The following ZNF135 variants were observed in gnomAD, a reference collection of about 807,000 sequenced individuals.
ZNF135 encodes the protein zinc finger protein 135 (clone pHZ-17).
In ZNF135, 11 loss-of-function variants were observed where a neutral mutation model predicts 12.3. The observed-to-expected ratio is 0.89, with a 90% CI of 0.56 to 1.48. The LOEUF is 1.48. ZNF135 is among the 40% of genes most tolerant of loss of function. The pLI is 0.00. For synonymous variants in ZNF135, 316 were observed against 312.0 expected, an observed-to-expected ratio of 1.01 and a Z score of -0.14; for missense variants, 722 against 815.7, an observed-to-expected ratio of 0.89 and a Z score of 1.40.
Position 58,059,926 on chromosome 19 carries a change from C to G in ZNF135, c.-34-43C>G. ...GTTCCCCGGCTTGGGGACCTGAGCA[C>G]CGCCTCTGCCTGCCCCAGCTGCTCA... is the stretch of plus-strand genomic sequence containing the variant. On this transcript the variant is annotated intron_variant, in intron 1 of 4. Coordinates refer to ENST00000313434, the MANE Select transcript of ZNF135 (RefSeq NM_001289401.2). The surrounding 1 kb of genome is among the most constrained non-coding windows in gnomAD (Gnocchi z 6.5). The G allele has an allele frequency of 1.9e-6, 3 of 1,605,330 alleles. No homozygotes were observed. Among genetic ancestry groups the G allele is most frequent in the Non-Finnish European group, 2.6e-6 (3 of 1,176,346 alleles).
In ZNF135 at chr19:58,067,113, AAG is replaced by A. The variant is rs2074082093; in HGVS notation, c.633_634del (p.Lys212ThrfsTer12). ...AATGTTTTACAGAAAACCTGTGTAA[AAG>A]AGAAACCCTACAAATGTCAGGAATG... is the stretch of plus-strand genomic sequence containing the variant. On this transcript the variant is annotated frameshift_variant, in exon 5 of 5. Transcript: ENST00000313434. LOFTEE classifies it low-confidence loss of function (END_TRUNC). 4 of 1,614,232 alleles carry A rather than the reference AAG, an allele frequency of 2.5e-6. No individual in the cohort carries two copies. The highest frequency in any genetic ancestry group is 3.4e-6 in the Non-Finnish European group (4 of 1,180,044).
rs372275276 is a variant in ZNF135 at position 58,063,419 on chromosome 19, T to C, written c.161-27T>C. ...AGGAAGGGTCCTGGGATACAAATGCTCACTCTATGGGTCTCTCCCTGAGCA... is the reference window on the plus strand; with the variant it reads ...AGGAAGGGTCCTGGGATACAAATGCCCACTCTATGGGTCTCTCCCTGAGCA... On this transcript the variant is annotated intron_variant, in intron 3 of 4. Coordinates refer to ENST00000313434, the MANE Select transcript of ZNF135 (RefSeq NM_001289401.2). This position sits in a 1 kb window ranked among gnomAD's most constrained non-coding sequence, Gnocchi z 4.4. The C allele has an allele frequency of 1.9e-6, 3 of 1,613,416 alleles. No individual in the cohort carries two copies. The highest frequency in any genetic ancestry group is 2.7e-5 in the African/African-American group (2 of 74,872).
Position 58,067,843 on chromosome 19 carries a change from C to G in ZNF135, c.1359C>G (p.Leu453=), listed in dbSNP as rs756124851. ...CGKTFSHSSS[L]SQHERTHTGE... ...AAACCTTCAGCCACAGCTCCTCACT[C>G]AGCCAGCATGAGCGGACACACACAG... is the stretch of plus-strand genomic sequence containing the variant. Residue 453 remains leucine, a synonymous_variant, in exon 5 of 5, where the codon CTC becomes CTG. Transcript: ENST00000313434. 6.2e-7 allele frequency: 1 copy of G among 1,613,054 alleles called. No homozygotes were observed. The highest frequency in any genetic ancestry group is 8.5e-7 in the Non-Finnish European group (1 of 1,179,764).
In ZNF135 at chr19:58,068,260, G is replaced by A. The variant is rs367729073; in HGVS notation, c.1776G>A (p.Ser592=). The change falls in exon 5 of 5, where the codon TCG becomes TCA. Residue 592 remains serine, a synonymous_variant. Transcript: ENST00000313434. ...ECGKSFSHSS[S]LSQHERTHTG... ...GGAAATCCTTCAGCCACAGCTCCTC[G>A]CTCAGCCAGCACGAAAGGACGCACA... 1.4e-5 allele frequency: 23 copies of A among 1,613,044 alleles called. No homozygotes were observed. Among genetic ancestry groups the A allele is most frequent in the African/African-American group, 1.1e-4 (8 of 74,534 alleles).
chr19:58,060,549 C>A lies in ZNF135; in HGVS notation c.33+514C>A. 1 of 723,136 alleles carries A rather than the reference C, an allele frequency of 1.4e-6. No individual in the cohort carries two copies. Among genetic ancestry groups the A allele is most frequent in the Non-Finnish European group, 1.7e-6 (1 of 590,270 alleles). The allele number at this position is 723,136 out of a possible 1,614,324, so 44.8% of individuals were successfully genotyped here. On this transcript the variant is annotated intron_variant, in intron 2 of 4. Coordinates refer to ENST00000313434, the MANE Select transcript of ZNF135 (RefSeq NM_001289401.2). This position sits in a 1 kb window ranked among gnomAD's most constrained non-coding sequence, Gnocchi z 4.9. ...TAGCATGCTCTGCGCTCCAAGATGG[C>A]GCATCGAGTGCCGCTTCCTCAGACG...
At chr19:58,064,141 TATCCCAGCCCACTG>T (rs1239622059) in intron 4 of ZNF135, among the ~76,000 whole-genome samples, 1 of 152,084 alleles carries the variant, frequency 6.6e-6, no homozygotes, top group East Asian at 1.9e-4. Context: ...GTAGCAGAGG[TATCCCAGCCCACTG>T]ACAGGCAATT....
intron 2 of ZNF135, 105 bp from the exon 3 acceptor site, chr19:58,061,475 C>G: frequency 4.8e-6 from 7 of 1,451,616 alleles, no homozygotes; most frequent in Non-Finnish European, 6.4e-6. Flanking sequence ...AACCCCAGAC[C>G]AAAGGGAACT....
At position 58,067,248 on chromosome 19, in the gene ZNF135, C is replaced by T. The variant is rs147685047; in HGVS notation, c.764C>T (p.Ser255Leu). 1,776 of 1,614,166 alleles carry T rather than the reference C, an allele frequency of 1.1e-3. 3 individuals are homozygous for T. The highest frequency in any genetic ancestry group is 1.5e-3 in the Non-Finnish European group (1,716 of 1,180,032). The change falls in exon 5 of 5, where the codon TCG becomes TTG. Residue 255 changes from serine (S) to leucine (L), a missense_variant. Ser to Leu is a moderately radical substitution (Grantham distance 145, BLOSUM62 -2). Coordinates refer to ENST00000313434, the MANE Select transcript of ZNF135 (RefSeq NM_001289401.2). ...TGCTTAAAAGGCTTCCGGAACAGCT[C>T]GGCACTTACCAAACACCAGAGAATC... ...HECLKGFRNSSALTKHQRIHT... is the reference protein window; with the variant it reads ...HECLKGFRNSLALTKHQRIHT...
upstream of ZNF135, chr19:58,059,274 C>T (rs1568609823): frequency 6.6e-7 from 1 of 1,521,922 alleles, no homozygotes. This position sits in a 1 kb window ranked among gnomAD's most constrained non-coding sequence, Gnocchi z 6.5. Context: ...GCAGTGTCGG[C>T]TGCCGGTGCC....
rs1453950250 is a variant in ZNF135, at chr19:58,067,756, C to A, written c.1272C>A (p.Leu424=). ...GGAAAGCCTTCAGTCAGAGCACACTCCTGACCGAGCATCGGAGGATTCACA... is the reference window on the plus strand; with the variant it reads ...GGAAAGCCTTCAGTCAGAGCACACTACTGACCGAGCATCGGAGGATTCACA... The part of the protein sequence containing the change: ...ECGKAFSQST[L]LTEHRRIHTG... The change falls in exon 5 of 5, where the codon CTC becomes CTA. Residue 424 remains leucine (L), a synonymous_variant. Coordinates refer to ENST00000313434, the MANE Select transcript of ZNF135 (RefSeq NM_001289401.2). 6.2e-7 allele frequency: 1 copy of A among 1,613,800 alleles called. No individual in the cohort carries two copies. Among genetic ancestry groups the A allele is most frequent in the Non-Finnish European group, 8.5e-7 (1 of 1,179,940 alleles).
intron 2 of ZNF135, 66 bp from the exon 3 acceptor site, chr19:58,061,514 C>T (rs201911782): frequency 3.6e-4 from 565 of 1,559,160 alleles, no homozygotes; most frequent in Non-Finnish European, 4.5e-4. Flanking sequence ...CTGGCATTTA[C>T]CAGCTACCCC....
At chr19:58,061,433 C>T in intron 2 of ZNF135, 147 bp from the exon 3 acceptor site, 1 of 887,822 alleles carries the variant, frequency 1.1e-6, no homozygotes, top group Non-Finnish European at 1.7e-6. Context: ...AGCAGGGCAC[C>T]CATCCAGGCC....
chr19:58,059,375 G>T lies in ZNF135; in HGVS notation c.-35+65G>T. On this transcript the variant is annotated intron_variant, in intron 1 of 4. Transcript: ENST00000313434. This position sits in a 1 kb window ranked among gnomAD's most constrained non-coding sequence, Gnocchi z 6.5. ...CGGGCCGGGCCGGGCCGGGTGCGGGGGGTCCGGGGATCTTCCTGAGGCCCT... is the reference window on the plus strand; with the variant it reads ...CGGGCCGGGCCGGGCCGGGTGCGGGTGGTCCGGGGATCTTCCTGAGGCCCT... The T allele has an allele frequency of 1.1e-6, 1 of 891,600 alleles. No homozygotes were observed. 55.2% of individuals were successfully genotyped at this position (891,600 alleles called of 1,614,324 possible).
In ZNF135 at chr19:58,067,174, C is replaced by G. The variant is rs777098283; in HGVS notation, c.690C>G (p.Ile230Met). The G allele has an allele frequency of 3.7e-6, 6 of 1,613,966 alleles. No homozygotes were observed. The African/African-American group carries it at 6.7e-5, about 18-fold the overall frequency. ...GKAFSHSSAL[I>M]EHHRTHTGER... is the part of the protein sequence containing the mutation. ...CCTTTAGTCACAGCTCAGCACTTAT[C>G]GAACACCACCGGACGCACACAGGAG... The change falls in exon 5 of 5, where the codon ATC (isoleucine) becomes ATG (methionine). Residue 230 changes from isoleucine to methionine, a missense_variant. Transcript: ENST00000313434.
Position 58,067,999 on chromosome 19 carries a change from C to T in ZNF135, c.1515C>T (p.His505=), listed in dbSNP as rs1432025858. Residue 505 remains histidine, a synonymous_variant, in exon 5 of 5, where the codon CAC becomes CAT. Transcript: ENST00000313434. ...ECNDCGKAFS[H]SSSLTKHQRI... is the part of the protein sequence containing the mutation. ...ATGACTGCGGCAAGGCATTCAGTCA[C>T]AGCTCGTCCCTCACCAAACATCAGC... 3 of 1,613,760 alleles carry T rather than the reference C, an allele frequency of 1.9e-6. No homozygotes were observed. The highest frequency in any genetic ancestry group is 1.7e-6 in the Non-Finnish European group (2 of 1,179,954).
rs745689661 is a variant in ZNF135, at chr19:58,059,309, G to A, written c.-36G>A. On this transcript the variant is annotated splice_region_variant and 5_prime_UTR_variant, in exon 1 of 5. Transcript: ENST00000313434. The surrounding 1 kb of genome is among the most constrained non-coding windows in gnomAD (Gnocchi z 6.5). ...CGCGGCCTTTGTCTCGCAGTCAGGA[G>A]GGTGAGCTAGGCCGGCGAGGAGGGG... 2.6e-6 allele frequency: 4 copies of A among 1,555,216 alleles called. No individual in the cohort carries two copies. The South Asian group carries it at 4.5e-5, about 18-fold the overall frequency.
In ZNF135 at chr19:58,068,364, T is replaced by G; in HGVS notation, c.1880T>G (p.Ile627Ser). 6.2e-7 allele frequency: 1 copy of G among 1,613,774 alleles called. No homozygotes were observed. The highest frequency in any genetic ancestry group is 8.5e-7 in the Non-Finnish European group (1 of 1,179,922). The change falls in exon 5 of 5, where the codon ATC becomes AGC. Residue 627 changes from isoleucine to serine, a missense_variant. Coordinates refer to ENST00000313434, the MANE Select transcript of ZNF135 (RefSeq NM_001289401.2). ...QSTHLTQHRR[I>S]HTGEKPYACR... ...ACCCACCTCACTCAGCACCGGAGGATCCACACAGGAGAGAAGCCATATGCA... is the reference window on the plus strand; with the variant it reads ...ACCCACCTCACTCAGCACCGGAGGAGCCACACAGGAGAGAAGCCATATGCA...
At position 58,060,080 on chromosome 19, in the gene ZNF135, G is replaced by C; in HGVS notation, c.33+45G>C. 1 of 1,611,138 alleles carries C rather than the reference G, an allele frequency of 6.2e-7. No homozygotes were observed. Among genetic ancestry groups the C allele is most frequent in the Non-Finnish European group, 8.5e-7 (1 of 1,179,676 alleles). ...TGCGCGTGTCCTCCACCTCGTGCCC[G>C]GCCTCCTCGCGCGCGGCCTTCTCAC... On this transcript the variant is annotated intron_variant, in intron 2 of 4. Transcript: ENST00000313434. The surrounding 1 kb of genome is among the most constrained non-coding windows in gnomAD (Gnocchi z 4.9).
At position 58,059,966 on chromosome 19, in the gene ZNF135, C is replaced by A; in HGVS notation, c.-34-3C>A. 6.2e-7 allele frequency: 1 copy of A among 1,612,766 alleles called. No individual in the cohort carries two copies. Among genetic ancestry groups the A allele is most frequent in the Non-Finnish European group, 8.5e-7 (1 of 1,179,754 alleles). On this transcript the variant is annotated splice_polypyrimidine_tract_variant and splice_region_variant and intron_variant, in intron 1 of 4. Transcript: ENST00000313434. The surrounding 1 kb of genome is among the most constrained non-coding windows in gnomAD (Gnocchi z 6.5). ...CCAGCTGCTCACCTCCCCTTTCCCA[C>A]AGAGCAGGGCCAGCCGTTCCTGCCA...
Sources: allele counts gnomAD v4.1 joint callset (sites outside exome capture counted in the v4.1 genomes callset), GRCh38; gene constraint gnomAD v4.1.1; non-coding constraint Gnocchi (gnomAD v3.1); transcripts MANE v1.5; gene names NCBI Gene and HGNC (gene_info 2026-07-23, HGNC 2026-07-21).